Variants in MAP3K15 observed in about 807,000 individuals in gnomAD.
MAP3K15 encodes the protein MAPK/ERK kinase kinase 15.
In MAP3K15, 124 loss-of-function variants were observed where a neutral mutation model predicts 99.5. The observed-to-expected ratio is 1.25, with a 90% CI of 1.08 to 1.45. The LOEUF (loss-of-function observed/expected upper bound fraction) is 1.45. Among genes scored for constraint, MAP3K15 ranks in the 40% most tolerant of loss-of-function variants. The probability of loss-of-function intolerance (pLI) is 0.00; values close to 1 mark genes in which losing one functional copy is unlikely to be tolerated. For missense variants in MAP3K15, 1,242 were observed against 1,079.7 expected, an observed-to-expected ratio of 1.15 and a Z score of -2.11; for synonymous variants, 494 against 439.6, an observed-to-expected ratio of 1.12 and a Z score of -1.55.
At position 19,377,523 on chromosome X, in the gene MAP3K15, G is replaced by A. The variant is rs749586726; in HGVS notation, c.2589+2597C>T. On this transcript the variant is annotated intron_variant, in intron 19 of 28. Coordinates refer to ENST00000338883, the MANE Select transcript of MAP3K15 (RefSeq NM_001001671.4). The stretch of plus-strand genomic sequence containing the variant: ...TGTGCCACTGTACTCCAGTCTGGGC[G>A]ACAGAGTGAGACTCTGTCAAAAAAA... 4.1e-3 allele frequency among the ~76,000 whole-genome samples: 451 copies of A among 110,467 alleles called. 3 individuals are homozygous for A. The highest frequency in any genetic ancestry group is 0.014 in the African/African-American group (429 of 30,411).
chrX:19,425,505 G>A (rs780654420), intron 9 of MAP3K15, 26 bp downstream of exon 9: 6 of 1,168,333 alleles, frequency 5.1e-6, no homozygotes, highest in Non-Finnish European at 6.9e-6. Flanking sequence ...TGAGATGGGT[G>A]ATGACAACAC....
At chrX:19,511,630 G>A (rs1241707884) in intron 1 of MAP3K15, among the ~76,000 whole-genome samples, 47 of 111,865 alleles carry the variant, frequency 4.2e-4, no homozygotes, top group African/African-American at 1.3e-3. Context: ...ACCATCTCAC[G>A]CCAGTTAGAA....
In MAP3K15 at chrX:19,499,686, C is replaced by T. The variant is rs755249839; in HGVS notation, c.362-10719G>A. On this transcript the variant is annotated intron_variant, in intron 1 of 28. Coordinates refer to ENST00000338883, the MANE Select transcript of MAP3K15 (RefSeq NM_001001671.4). ...ATGCTGAGTGAACAAAGCCAGACAC[C>T]AAAGAATACATATTGTATGAGACCA... Among the ~76,000 whole-genome samples, 4 of 111,804 alleles carry T rather than the reference C, an allele frequency of 3.6e-5. No individual in the cohort carries two copies. In the East Asian group the frequency reaches 1.1e-3, roughly 31 times the overall value.
In MAP3K15 at chrX:19,482,411, A is replaced by T. The variant is rs193042516; in HGVS notation, c.525+4071T>A. On this transcript the variant is annotated intron_variant, in intron 3 of 28. Coordinates refer to ENST00000338883, the MANE Select transcript of MAP3K15 (RefSeq NM_001001671.4). ...AGAATACCATTCAGTAATAAAAAGG[A>T]AAGAACTACTGATCCATGCATCCAT... 18 of 112,070 alleles carry T rather than the reference A, an allele frequency of 1.6e-4. 1 individual carries two copies. The East Asian group carries it at 5.0e-3, about 31-fold the overall frequency. The allele number at this position is 112,070 out of a possible 1,213,427, so 9.2% of individuals were successfully genotyped here.
intron 6 of MAP3K15, among the ~76,000 whole-genome samples, chrX:19,440,239 G>A (rs1289701294): frequency 1.8e-5 from 2 of 111,910 alleles, no homozygotes; most frequent in Non-Finnish European, 3.8e-5. Context: ...CATCATTTCC[G>A]ATTGGTTTGT....
chrX:19,411,733 C>G (rs751407619), intron 11 of MAP3K15, among the ~76,000 whole-genome samples: 8 of 111,333 alleles, frequency 7.2e-5, no homozygotes, highest in African/African-American at 2.6e-4. Flanking sequence ...GCAGAGGGAA[C>G]AGCAAGTGCA....
Position 19,373,591 on chromosome X carries a change from C to T in MAP3K15, c.2878G>A (p.Asp960Asn). ...SVSPDSDAQP[D>N]ALFERTRAPR... ...GCCCGGGTCCTCTCAAAGAGTGCGT[C>T]AGGCTGGGCGTCGGAGTCTGGGGAG... Residue 960 changes from aspartate (D) to asparagine (N), a missense_variant, in exon 21 of 29, where the codon GAC becomes AAC. Physicochemically the swap from Asp to Asn is conservative, Grantham distance 23 (BLOSUM62 1). Transcript: ENST00000338883. The T allele has an allele frequency of 8.5e-7, 1 of 1,182,866 alleles. No individual in the cohort carries two copies. The highest frequency in any genetic ancestry group is 1.1e-6 in the Non-Finnish European group (1 of 881,525).
At chrX:19,420,646 C>A (rs1244758859) in intron 9 of MAP3K15, among the ~76,000 whole-genome samples, 6 of 111,431 alleles carry the variant, frequency 5.4e-5, no homozygotes, top group African/African-American at 2.0e-4. Context: ...CTATTCCAAT[C>A]AATAGAAAAA....
intron 2 of MAP3K15, among the ~76,000 whole-genome samples, chrX:19,487,149 GAAAACACCATAACTAAACAGCTGCCCTGT>G (rs1395851400): frequency 9.3e-6 from 1 of 107,743 alleles, no homozygotes; most frequent in Non-Finnish European, 1.9e-5. Flanking sequence ...GAAGGGCGGA[GAAAACACCATAACTAAACAGCTGCCCTGT>G]AAAACATGTT....
At chrX:19,396,982 C>A (rs1407999733) in intron 15 of MAP3K15, among the ~76,000 whole-genome samples, 4 of 109,117 alleles carry the variant, frequency 3.7e-5, no homozygotes, top group Non-Finnish European at 7.6e-5. Flanking sequence ...TCACTGTAGC[C>A]TCTGCCTCCG....
intron 8 of MAP3K15, 125 bp downstream of exon 8, chrX:19,426,106 A>T (rs187289062): frequency 6.5e-4 from 260 of 397,317 alleles, no homozygotes; most frequent in African/African-American, 6.0e-3. Context: ...TGGGCAACCG[A>T]GCAAGACTCT....
intron 9 of MAP3K15, among the ~76,000 whole-genome samples, chrX:19,417,330 C>T (rs759440331): frequency 1.1e-4 from 12 of 112,210 alleles, no homozygotes; most frequent in African/African-American, 3.6e-4. Context: ...CCTGGAAAAT[C>T]GGGTCGCTCC....
intron 11 of MAP3K15, among the ~76,000 whole-genome samples, chrX:19,412,909 A>T (rs186982392): frequency 1.9e-5 from 2 of 107,942 alleles, no homozygotes; most frequent in Non-Finnish European, 3.8e-5. Flanking sequence ...TAATTTTTTA[A>T]ATTTATTTTT....
At chrX:19,500,894 C>T (rs2064436378) in intron 1 of MAP3K15, among the ~76,000 whole-genome samples, 1 of 111,922 alleles carries the variant, frequency 8.9e-6, no homozygotes, top group South Asian at 3.7e-4. Flanking sequence ...AGGTAGCAGA[C>T]CAGCCCACGG....
intron 7 of MAP3K15, among the ~76,000 whole-genome samples, chrX:19,430,523 G>A (rs1303083463): frequency 2.7e-5 from 3 of 111,592 alleles, no homozygotes; most frequent in African/African-American, 9.8e-5. Context: ...CTAAGTTTTG[G>A]GGTTGTTACG....
At chrX:19,361,713 C>T in intron 26 of MAP3K15, 120 bp from the exon 27 acceptor site, 1 of 498,925 alleles carries the variant, frequency 2.0e-6, no homozygotes, top group Non-Finnish European at 3.4e-6. Flanking sequence ...ATGAATTAAC[C>T]CTGTATCACT....
At chrX:19,409,350 C>A (rs2147271373) in intron 12 of MAP3K15, among the ~76,000 whole-genome samples, 1 of 112,008 alleles carries the variant, frequency 8.9e-6, no homozygotes, top group African/African-American at 3.2e-5. Flanking sequence ...TACTTCACAG[C>A]CAGTCTCACC....
In MAP3K15 at chrX:19,452,396, AAAAG is replaced by A. The variant is rs1342197025; in HGVS notation, c.995+4513_995+4516del. Among the ~76,000 whole-genome samples, 3 of 15,361 alleles carry A rather than the reference AAAAG, an allele frequency of 2.0e-4. 1 individual carries two copies. Among genetic ancestry groups the A allele is most frequent in the Non-Finnish European group, 1.2e-3 (3 of 2,597 alleles). 13.3% of individuals were successfully genotyped at this position (15,361 alleles called of 115,157 possible). A position where few individuals can be genotyped will look rare whatever the true frequency, so the allele number is the denominator to read the frequency against. ...GAAGAGAGAAAAGAAAAGAGAAAAG[AAAAG>A]AAAAGAAAAGAAAAGAAAAGAAGAA... is the stretch of plus-strand genomic sequence containing the variant. On this transcript the variant is annotated intron_variant, in intron 6 of 28. Coordinates refer to ENST00000338883, the MANE Select transcript of MAP3K15 (RefSeq NM_001001671.4).
At chrX:19,384,877 G>T (rs1009402560) in intron 18 of MAP3K15, among the ~76,000 whole-genome samples, 1 of 108,810 alleles carries the variant, frequency 9.2e-6, no homozygotes, top group Admixed American at 1.0e-4. Flanking sequence ...ACCCTGATGT[G>T]ATTATTACAC....
Sources: allele counts gnomAD v4.1 joint callset (sites outside exome capture counted in the v4.1 genomes callset), GRCh38; gene constraint gnomAD v4.1.1; transcripts MANE v1.5; gene names NCBI Gene and HGNC (gene_info 2026-07-23, HGNC 2026-07-21).